The following C7 variants were observed in gnomAD, a reference collection of about 807,000 sequenced individuals.
C7 encodes complement component C7.
In C7, 83 loss-of-function variants were observed where a neutral mutation model predicts 104.8. That is an observed-to-expected ratio of 0.79 (90% CI 0.66 to 0.95). The LOEUF (loss-of-function observed/expected upper bound fraction) is 0.95. C7 is among the 40% of genes least tolerant of loss of function. C7 has a pLI of 0.00. For synonymous variants in C7, 415 were observed against 360.6 expected, an observed-to-expected ratio of 1.15 and a Z score of -1.71; for missense variants, 1,070 against 1,011.2, an observed-to-expected ratio of 1.06 and a Z score of -0.79.
Position 40,972,577 on chromosome 5 carries a change from C to A in C7, c.2057C>A (p.Ala686Asp), listed in dbSNP as rs760635237. 1.0e-5 allele frequency: 16 copies of A among 1,602,548 alleles called. No individual in the cohort carries two copies. The South Asian group carries it at 1.7e-4, about 17-fold the overall frequency. Residue 686 changes from alanine to aspartate, a missense_variant, in exon 15 of 18, where the codon GCC (alanine) becomes GAC (aspartate). Physicochemically the swap from Ala to Asp is moderately radical, Grantham distance 126. Coordinates refer to ENST00000313164, the MANE Select transcript of C7 (RefSeq NM_000587.4). ...SLKWSPEMKN[A>D]RCVQKENPLT... is the part of the protein sequence containing the mutation. ...AAGTGGAGTCCTGAGATGAAGAATG[C>A]CCGCTGTGTACAAAAAGGTGAGTGG...
At chr5:40,964,695 C>A in intron 13 of C7, 46 bp from the exon 14 acceptor site, 3 of 1,571,826 alleles carry the variant, frequency 1.9e-6, no homozygotes, top group African/African-American at 2.7e-5. Context: ...TTTGTTAATG[C>A]AAAATAGACA....
At chr5:40,957,610 C>G (rs894977034) in intron 10 of C7, among the ~76,000 whole-genome samples, 2 of 151,988 alleles carry the variant, frequency 1.3e-5, no homozygotes, top group African/African-American at 4.8e-5. Context: ...CATGCGCCAC[C>G]ACACCCTGCT....
chr5:40,910,994 A>G (rs947423202), intron 1 of C7: 3 of 152,172 alleles, frequency 2.0e-5, no homozygotes, highest in African/African-American at 7.2e-5. Flanking sequence ...AATAATAAAT[A>G]TACTTCTATC....
At position 40,979,881 on chromosome 5, in the gene C7, T is replaced by C; in HGVS notation, c.2322T>C (p.Gly774=). Residue 774 remains glycine (G), a synonymous_variant, in exon 17 of 18, where the codon GGT becomes GGC. Coordinates refer to ENST00000313164, the MANE Select transcript of C7 (RefSeq NM_000587.4). The part of the protein sequence containing the change: ...TLPASAEKAC[G]ACPLWGKCDA... ...CTGCCTCAGCTGAGAAAGCTTGTGG[T>C]GCCTGCCCACTGTGGGGAAAATGTG... The C allele has an allele frequency of 6.3e-7, 1 of 1,597,630 alleles. No homozygotes were observed. Among genetic ancestry groups the C allele is most frequent in the Non-Finnish European group, 8.5e-7 (1 of 1,170,422 alleles).
At chr5:40,954,965 G>A (rs1425707691) in intron 9 of C7, 4 of 227,056 alleles carry the variant, frequency 1.8e-5, no homozygotes, top group African/African-American at 7.4e-5. Context: ...TAGGTTCACA[G>A]CACAATTGAG....
intron 12 of C7, 50 bp from the exon 13 acceptor site, chr5:40,962,035 T>C: frequency 1.0e-6 from 1 of 989,060 alleles, no homozygotes; most frequent in Non-Finnish European, 1.4e-6. Context: ...GCAAAATAAT[T>C]ATTATACTGT....
rs563431586 is a variant in C7 at position 40,935,664 on chromosome 5, AG to A, written c.281-671del. On this transcript the variant is annotated intron_variant, in intron 4 of 17. Transcript: ENST00000313164. ...TTCATGCAGGTAGTCTGGTATGACT[AG>A]GGTATAAGAAGCTAGTAGGAGAATG... Among the ~76,000 whole-genome samples the A allele has an allele frequency of 2.5e-3, 380 of 152,308 alleles. 1 individual carries two copies. Among genetic ancestry groups the A allele is most frequent in the African/African-American group, 8.7e-3 (362 of 41,578 alleles).
chr5:40,952,163 T>G (rs1401196671), intron 9 of C7, among the ~76,000 whole-genome samples: 1 of 152,258 alleles, frequency 6.6e-6, no homozygotes, highest in African/African-American at 2.4e-5. Context: ...GCACCTACTG[T>G]GTGCCAGCAC....
At chr5:40,935,993 A>G (rs1184756445) in intron 4 of C7, among the ~76,000 whole-genome samples, 1 of 152,304 alleles carries the variant, frequency 6.6e-6, no homozygotes, top group East Asian at 1.9e-4. Flanking sequence ...AGAATGACAG[A>G]AAAAAAGTGA....
At chr5:40,923,405 A>G (rs902215202) in intron 1 of C7, among the ~76,000 whole-genome samples, 1 of 152,118 alleles carries the variant, frequency 6.6e-6, no homozygotes, top group African/African-American at 2.4e-5. Flanking sequence ...CTCATGGTAG[A>G]AGGTGAAGCA....
At chr5:40,950,214 C>A (rs569409836) in intron 9 of C7, among the ~76,000 whole-genome samples, 200 bp downstream of exon 9, 28 of 148,934 alleles carry the variant, frequency 1.9e-4, no homozygotes, top group African/African-American at 5.3e-4. Context: ...ACTCTCCACT[C>A]TCCAAAATGC....
chr5:40,932,622 T>C (rs927455858), intron 3 of C7, among the ~76,000 whole-genome samples: 12 of 152,116 alleles, frequency 7.9e-5, no homozygotes, highest in Admixed American at 6.6e-4. Context: ...AATAAAGAAT[T>C]TGGCTTCTAG....
At chr5:40,981,164 G>T (rs560225942) in intron 17 of C7, among the ~76,000 whole-genome samples, 1 of 152,274 alleles carries the variant, frequency 6.6e-6, no homozygotes, top group African/African-American at 2.4e-5. Flanking sequence ...ACCCCATGTG[G>T]TCTAACCAAT....
Position 40,940,226 on chromosome 5 carries a change from C to T in C7, c.567+2536C>T, listed in dbSNP as rs116271205. On this transcript the variant is annotated intron_variant, in intron 6 of 17. Transcript: ENST00000313164. Reference sequence around the variant, plus strand: ...CCAGTCTCTCTTATAATCCCTGTTTCGGTTTTTAGCATCGCGGTTTATCCA... The same window carrying T: ...CCAGTCTCTCTTATAATCCCTGTTTTGGTTTTTAGCATCGCGGTTTATCCA... 7.5e-3 allele frequency among the ~76,000 whole-genome samples: 1,135 copies of T among 152,264 alleles called. 17 individuals are homozygous for T. The highest frequency in any genetic ancestry group is 0.026 in the African/African-American group (1,093 of 41,544).
chr5:40,918,785 C>A (rs1171737065), intron 1 of C7, among the ~76,000 whole-genome samples: 1 of 151,612 alleles, frequency 6.6e-6, no homozygotes. Context: ...TTCAGAGAAC[C>A]TAAATATATA....
At chr5:40,911,787 GGAGTGCA>G (rs1431145316) in intron 1 of C7, among the ~76,000 whole-genome samples, 1 of 147,932 alleles carries the variant, frequency 6.8e-6, no homozygotes, top group African/African-American at 2.5e-5. Flanking sequence ...TGCCCAGGCT[GGAGTGCA>G]GAGGTACGAT....
chr5:40,965,924 C>T (rs1365054799), intron 14 of C7, among the ~76,000 whole-genome samples: 6 of 151,752 alleles, frequency 4.0e-5, no homozygotes, highest in Non-Finnish European at 8.8e-5. Flanking sequence ...ATTATAGGTG[C>T]GAGCTACTGT....
chr5:40,918,611 C>G (rs1359758457), intron 1 of C7, among the ~76,000 whole-genome samples: 1 of 151,376 alleles, frequency 6.6e-6, no homozygotes, highest in African/African-American at 2.4e-5. Context: ...AAAGATATTC[C>G]ACATCAATAG....
Position 40,964,819 on chromosome 5 carries a change from G to A in C7, c.1828G>A (p.Val610Met), listed in dbSNP as rs1740509329. The A allele has an allele frequency of 6.2e-7, 1 of 1,613,792 alleles. No homozygotes were observed. The highest frequency in any genetic ancestry group is 8.5e-7 in the Non-Finnish European group (1 of 1,179,748). Residue 610 changes from valine (V) to methionine (M), a missense_variant, in exon 14 of 18, where the codon GTG (valine) becomes ATG (methionine). By Grantham distance (21) the Val-to-Met change is conservative. Coordinates refer to ENST00000313164, the MANE Select transcript of C7 (RefSeq NM_000587.4). ...NEGYSLIGNP[V>M]ARCGEDLRWL... is the part of the protein sequence containing the mutation. ...AGGATACTCTCTTATTGGAAACCCA[G>A]TGGCCAGATGTGGAGAAGATTTACG... is the stretch of plus-strand genomic sequence containing the variant.
Sources: gnomAD v4.1 joint callset for allele counts (sites outside exome capture counted in the v4.1 genomes callset) on GRCh38, gnomAD v4.1.1 for gene constraint, MANE v1.5 for transcripts, NCBI Gene and HGNC (gene_info 2026-07-23, HGNC 2026-07-21) for gene names.